Variants in CPA1 observed in about 807,000 individuals in gnomAD.
CPA1 encodes carboxypeptidase A1, also known as carboxypeptidase A1 (pancreatic).
CPA1 carries 42 observed loss-of-function variants against 48.7 expected under a neutral mutation model. The observed-to-expected ratio is 0.86, with a 90% CI of 0.67 to 1.11. CPA1 has a LOEUF of 1.11. Ranked by LOEUF, CPA1 falls within the 50% of genes most tolerant of loss-of-function variation. The probability of loss-of-function intolerance (pLI) is 0.00; values close to 1 mark genes in which losing one functional copy is unlikely to be tolerated. For synonymous variants in CPA1, 203 were observed against 217.9 expected, an observed-to-expected ratio of 0.93 and a Z score of 0.60; for missense variants, 477 against 544.7, an observed-to-expected ratio of 0.88 and a Z score of 1.24.
At chr7:130,380,691 G>C (rs1244097385) in intron 1 of CPA1, 106 bp downstream of exon 1, 1 of 666,716 alleles carries the variant, frequency 1.5e-6, no homozygotes, top group East Asian at 3.1e-5. Context: ...CACAGCCAGA[G>C]AGGATGGCCT....
chr7:130,380,608 G>T, intron 1 of CPA1, 23 bp downstream of exon 1: 4 of 1,267,152 alleles, frequency 3.2e-6, no homozygotes, highest in Non-Finnish European at 4.1e-6. Flanking sequence ...AGAGGAGGGG[G>T]TGCCCTCTGA....
chr7:130,381,251 C>A, intron 2 of CPA1, 72 bp downstream of exon 2: 1 of 1,103,860 alleles, frequency 9.1e-7, no homozygotes, highest in Non-Finnish European at 1.3e-6. Context: ...CCCCAGCGGC[C>A]AACTGTGCCT....
chr7:130,382,262 C>T, intron 4 of CPA1, 53 bp downstream of exon 4: 1 of 1,382,158 alleles, frequency 7.2e-7, no homozygotes, highest in Non-Finnish European at 1.0e-6. Flanking sequence ...CACGTGGCAT[C>T]CGTGATGGGC....
intron 9 of CPA1, among the ~76,000 whole-genome samples, chr7:130,386,240 C>T (rs1562968451): frequency 6.6e-6 from 1 of 151,922 alleles, no homozygotes; most frequent in Non-Finnish European, 1.5e-5. Flanking sequence ...CTTAAAAAAA[C>T]ACTTCTCGGG....
intron 2 of CPA1, 105 bp from the exon 3 acceptor site, chr7:130,381,525 A>G: frequency 1.3e-6 from 1 of 782,246 alleles, no homozygotes; most frequent in South Asian, 1.7e-5. Flanking sequence ...ATTATATGAG[A>G]ACTTCTGGCA....
chr7:130,381,199 G>GT lies in CPA1; in HGVS notation c.147+20_147+21insT, dbSNP rs782329011. Reference sequence around the variant, plus strand: ...CTGCAGGTCAGAAGAGGGGAGAAGGGCTCTCTGAGGCCCCAGGGTATCAGC... The same window carrying GT: ...CTGCAGGTCAGAAGAGGGGAGAAGGGTCTCTCTGAGGCCCCAGGGTATCAGC... On this transcript the variant is annotated intron_variant, in intron 2 of 9. Transcript: ENST00000011292. 6.3e-7 allele frequency: 1 copy of GT among 1,582,214 alleles called. No homozygotes were observed. Among genetic ancestry groups the GT allele is most frequent in the South Asian group, 1.1e-5 (1 of 89,478 alleles).
At chr7:130,385,430 C>T in intron 8 of CPA1, 85 bp downstream of exon 8, 1 of 1,229,244 alleles carries the variant, frequency 8.1e-7, no homozygotes, top group Non-Finnish European at 1.2e-6. Context: ...CTGCTTAAGG[C>T]ACAGACACCT....
intron 4 of CPA1, among the ~76,000 whole-genome samples, chr7:130,382,731 C>A (rs1796423310): frequency 1.3e-5 from 2 of 149,182 alleles, no homozygotes; most frequent in African/African-American, 5.0e-5. Flanking sequence ...TGAACCTCCA[C>A]CTCCTGGGTT....
chr7:130,380,999 G>A (rs1796395753), intron 1 of CPA1, 99 bp from the exon 2 acceptor site: 2 of 937,914 alleles, frequency 2.1e-6, no homozygotes, highest in East Asian at 5.1e-5. Flanking sequence ...GGCCCAGTCT[G>A]GGGATTCTGG....
Position 130,387,695 on chromosome 7 carries a change from A to C in CPA1, c.1073-129A>C, listed in dbSNP as rs1470106773. ...GGCTGCTTGGTCAACAGCAGACCTT[A>C]GTAGACACTGACTCCACTCAGCATT... On this transcript the variant is annotated intron_variant, in intron 9 of 9. Coordinates refer to ENST00000011292, the MANE Select transcript of CPA1 (RefSeq NM_001868.4). The surrounding 1 kb of genome is among the most constrained non-coding windows in gnomAD (Gnocchi z 4.6). 1.4e-5 allele frequency: 12 copies of C among 835,278 alleles called. No individual in the cohort carries two copies. The African/African-American group carries it at 1.9e-4, about 13-fold the overall frequency. 51.7% of individuals were successfully genotyped at this position (835,278 alleles called of 1,614,324 possible).
At chr7:130,383,620 T>C (rs1425257640) in intron 5 of CPA1, 64 bp from the exon 6 acceptor site, 31 of 1,442,386 alleles carry the variant, frequency 2.1e-5, no homozygotes, top group South Asian at 1.3e-4. Context: ...AAGGTGTCCA[T>C]TGCTGTGGCT....
chr7:130,384,427 C>T, intron 6 of CPA1, 109 bp from the exon 7 acceptor site: 1 of 905,200 alleles, frequency 1.1e-6, no homozygotes, highest in Non-Finnish European at 1.8e-6. Context: ...TCCAGGGAGC[C>T]CTCCCCTCAG....
chr7:130,386,854 A>C (rs1297282322), intron 9 of CPA1, among the ~76,000 whole-genome samples: 1 of 152,128 alleles, frequency 6.6e-6, no homozygotes, highest in Non-Finnish European at 1.5e-5. Flanking sequence ...AGACCAGGTG[A>C]GGTGAATCGG....
rs1796396938 is a variant in CPA1, at chr7:130,381,091, T to G, written c.66-7T>G. The G allele has an allele frequency of 6.2e-7, 1 of 1,612,474 alleles. No individual in the cohort carries two copies. On this transcript the variant is annotated splice_polypyrimidine_tract_variant and splice_region_variant and intron_variant, in intron 1 of 9. Coordinates refer to ENST00000011292, the MANE Select transcript of CPA1 (RefSeq NM_001868.4). ...GGGTGCTCACTCCCCACTCCCACTCTGCCCAGGCATCAGGTGCTCCGAATC... is the reference window on the plus strand; with the variant it reads ...GGGTGCTCACTCCCCACTCCCACTCGGCCCAGGCATCAGGTGCTCCGAATC...
intron 6 of CPA1, 74 bp from the exon 7 acceptor site, chr7:130,384,462 G>A (rs964793525): frequency 8.3e-6 from 11 of 1,328,564 alleles, no homozygotes; most frequent in African/African-American, 5.1e-5. Context: ...TGCAGCCTCT[G>A]AACCACCCCC....
rs1554411841 is a variant in CPA1, at chr7:130,385,329, C to A, written c.971C>A (p.Pro324His). The change falls in exon 8 of 10, where the codon CCT becomes CAT. Residue 324 changes from proline to histidine, a missense_variant. By Grantham distance (77) the Pro-to-His change is moderately conservative (BLOSUM62 -2). Coordinates refer to ENST00000011292, the MANE Select transcript of CPA1 (RefSeq NM_001868.4). Reference protein sequence around the residue: ...YPYGYKTEPVPDQDELDQLSK... With the variant: ...YPYGYKTEPVHDQDELDQLSK... ...TATGGCTACAAAACAGAACCAGTCCCTGACCAGGATGAGCTGGTAGGCACT... is the reference window on the plus strand; with the variant it reads ...TATGGCTACAAAACAGAACCAGTCCATGACCAGGATGAGCTGGTAGGCACT... The A allele has an allele frequency of 6.2e-7, 1 of 1,614,076 alleles. No individual in the cohort carries two copies.
rs1192941091 is a variant in CPA1 at position 130,383,292 on chromosome 7, G to A, written c.484-99G>A. On this transcript the variant is annotated intron_variant, in intron 4 of 9. Transcript: ENST00000011292. The stretch of plus-strand genomic sequence containing the variant: ...AGCCTCTACCTGAGATACACAGAGA[G>A]CAGGTGGTCTCTGGCCCAGGTCGGG... 4.7e-6 allele frequency: 4 copies of A among 845,278 alleles called. No homozygotes were observed. In the African/African-American group the frequency reaches 5.0e-5, roughly 11 times the overall value. 52.4% of individuals were successfully genotyped at this position (845,278 alleles called of 1,614,324 possible).
At position 130,383,427 on chromosome 7, in the gene CPA1, A is replaced by G. The variant is rs1554411489; in HGVS notation, c.520A>G (p.Ile174Val). 6.2e-7 allele frequency: 1 copy of G among 1,614,198 alleles called. No homozygotes were observed. The highest frequency in any genetic ancestry group is 1.7e-5 in the Admixed American group (1 of 60,030). ...TGGSKRPAIW[I>V]DTGIHSREWV... ...GGGCAGTAAGCGTCCAGCCATCTGGATCGACACGGGCATCCATTCCCGGGA... is the reference window on the plus strand; with the variant it reads ...GGGCAGTAAGCGTCCAGCCATCTGGGTCGACACGGGCATCCATTCCCGGGA... Residue 174 changes from isoleucine to valine, a missense_variant, in exon 5 of 10, where the codon ATC becomes GTC. Ile to Val is a conservative substitution (Grantham distance 29). Transcript: ENST00000011292.
At chr7:130,381,946 G>A (rs1796412023) in intron 3 of CPA1, 83 bp downstream of exon 3, 1 of 1,356,754 alleles carries the variant, frequency 7.4e-7, no homozygotes, top group Admixed American at 1.9e-5. Flanking sequence ...CAAGGCCAGG[G>A]CCAGCCTGGG....
Sources: gnomAD v4.1 joint callset for allele counts (sites outside exome capture counted in the v4.1 genomes callset) on GRCh38, gnomAD v4.1.1 for gene constraint, Gnocchi (gnomAD v3.1) non-coding constraint, MANE v1.5 for transcripts, NCBI Gene and HGNC (gene_info 2026-07-23, HGNC 2026-07-21) for gene names.